Variants in PCSK2 observed in about 807,000 individuals in gnomAD.
PCSK2 encodes neuroendocrine convertase 2.
A neutral mutation model predicts 69.7 loss-of-function variants in PCSK2; 14 were observed. That is an observed-to-expected ratio of 0.20 (90% CI 0.13 to 0.31). The LOEUF is 0.31. PCSK2 is among the 10% of genes least tolerant of loss of function. The probability of loss-of-function intolerance (pLI) is 1.00; values close to 1 mark genes in which losing one functional copy is unlikely to be tolerated. For synonymous variants in PCSK2, 307 were observed against 320.7 expected, an observed-to-expected ratio of 0.96 and a Z score of 0.46; for missense variants, 544 against 842.5, an observed-to-expected ratio of 0.65 and a Z score of 4.39.
intron 2 of PCSK2, among the ~76,000 whole-genome samples, 172 bp from the exon 3 acceptor site, chr20:17,358,155 T>C (rs2030271063): frequency 6.6e-6 from 1 of 150,616 alleles, no homozygotes; most frequent in South Asian, 2.1e-4. Context: ...TACAAAAAAA[T>C]ACAAAATAAT....
intron 6 of PCSK2, among the ~76,000 whole-genome samples, chr20:17,410,234 G>A (rs1198261933): frequency 6.6e-6 from 1 of 152,076 alleles, no homozygotes; most frequent in East Asian, 1.9e-4. Context: ...GGGCTTCCTT[G>A]GTCAAACAGT....
intron 2 of PCSK2, among the ~76,000 whole-genome samples, chr20:17,346,064 G>GC (rs965947267): frequency 6.6e-6 from 1 of 152,112 alleles, no homozygotes; most frequent in East Asian, 1.9e-4. Context: ...CATTAATGAG[G>GC]CCCCCCTCCG....
chr20:17,288,296 G>A (rs76548686), intron 2 of PCSK2, among the ~76,000 whole-genome samples: 2,460 of 152,292 alleles, frequency 0.016, 65 homozygotes, highest in African/African-American at 0.054. Context: ...ATCCAGGACA[G>A]CATTTCAAGA....
At chr20:17,340,416 A>T (rs1990476761) in intron 2 of PCSK2, among the ~76,000 whole-genome samples, 1 of 152,236 alleles carries the variant, frequency 6.6e-6, no homozygotes, top group Admixed American at 6.5e-5. Flanking sequence ...TGTCATTACC[A>T]GTCCATTTCT....
chr20:17,405,139 C>G lies in PCSK2; in HGVS notation c.544-4124C>G, dbSNP rs371232215. 6.6e-5 allele frequency among the ~76,000 whole-genome samples: 10 copies of G among 152,330 alleles called. No individual in the cohort carries two copies. The South Asian group carries it at 1.5e-3, about 22-fold the overall frequency. On this transcript the variant is annotated intron_variant, in intron 5 of 11. Coordinates refer to ENST00000262545, the MANE Select transcript of PCSK2 (RefSeq NM_002594.5). ...TATCCTCACAGCAACCAACTAGTAA[C>G]AGTTTTACCACCTACATTTTGAAGA... is the stretch of plus-strand genomic sequence containing the variant.
chr20:17,479,812 A>G (rs943827522), intron 11 of PCSK2, among the ~76,000 whole-genome samples: 3 of 151,222 alleles, frequency 2.0e-5, no homozygotes, highest in Admixed American at 2.0e-4. Flanking sequence ...AAAAAAAAAA[A>G]AAAAAAAAAG....
intron 6 of PCSK2, among the ~76,000 whole-genome samples, chr20:17,411,212 G>A (rs892463623): frequency 6.6e-6 from 1 of 152,198 alleles, no homozygotes; most frequent in African/African-American, 2.4e-5. Context: ...GAGGTATCTG[G>A]TTCATCTCAT....
chr20:17,247,649 T>G (rs1055619475), intron 1 of PCSK2, among the ~76,000 whole-genome samples: 1 of 152,184 alleles, frequency 6.6e-6, no homozygotes, highest in East Asian at 1.9e-4. Context: ...GAATCTGTAA[T>G]AAGCAGTAGA....
chr20:17,276,493 A>G (rs188704795), intron 2 of PCSK2, among the ~76,000 whole-genome samples: 17 of 149,154 alleles, frequency 1.1e-4, no homozygotes, highest in Non-Finnish European at 1.8e-4. Context: ...CCATGTTTAT[A>G]TTTTTTCTGG....
In PCSK2 at chr20:17,483,935, GTA is replaced by G. The variant is rs1189560484; in HGVS notation, c.*1871_*1872del. 2.0e-5 allele frequency: 3 copies of G among 152,364 alleles called. No individual in the cohort carries two copies. Among genetic ancestry groups the G allele is most frequent in the Admixed American group, 2.0e-4 (3 of 15,258 alleles). 9.4% of individuals were successfully genotyped at this position (152,364 alleles called of 1,614,324 possible). On this transcript the variant is annotated 3_prime_UTR_variant, in exon 12 of 12. Coordinates refer to ENST00000262545, the MANE Select transcript of PCSK2 (RefSeq NM_002594.5). ...ACATATGTAGACTATATACATGTGT[GTA>G]TATATGTGTATATATACATACACTT...
At chr20:17,474,779 G>A (rs763774744) in intron 11 of PCSK2, among the ~76,000 whole-genome samples, 11 of 151,990 alleles carry the variant, frequency 7.2e-5, no homozygotes, top group African/African-American at 1.5e-4. Context: ...AGTGGTCGCC[G>A]GCCTACATCT....
intron 5 of PCSK2, among the ~76,000 whole-genome samples, chr20:17,401,683 G>T (rs951417287): frequency 6.6e-6 from 1 of 152,170 alleles, no homozygotes; most frequent in Non-Finnish European, 1.5e-5. Context: ...GCAGGTAGGG[G>T]TGTGCTGAAA....
At chr20:17,431,724 C>T (rs763177930) in intron 7 of PCSK2, among the ~76,000 whole-genome samples, 23 of 152,296 alleles carry the variant, frequency 1.5e-4, no homozygotes, top group Non-Finnish European at 2.1e-4. Flanking sequence ...CCTGGGGCGT[C>T]AGCATGAATT....
chr20:17,467,274 G>A (rs558390617), intron 11 of PCSK2, among the ~76,000 whole-genome samples: 6 of 152,292 alleles, frequency 3.9e-5, no homozygotes, highest in African/African-American at 9.6e-5. Flanking sequence ...GCATGGTGAC[G>A]TCTATGGGCC....
chr20:17,292,156 T>A (rs1303183661), intron 2 of PCSK2, among the ~76,000 whole-genome samples: 1 of 152,322 alleles, frequency 6.6e-6, no homozygotes. Flanking sequence ...CATATCTTGA[T>A]CTTTTTATTC....
intron 2 of PCSK2, among the ~76,000 whole-genome samples, chr20:17,298,984 A>T (rs1322891665): frequency 1.3e-5 from 2 of 152,194 alleles, no homozygotes; most frequent in Non-Finnish European, 2.9e-5. Context: ...TAGCTCTTGC[A>T]TAATGTATGT....
intron 2 of PCSK2, among the ~76,000 whole-genome samples, chr20:17,272,853 C>G (rs770977430): frequency 6.6e-6 from 1 of 152,070 alleles, no homozygotes; most frequent in Non-Finnish European, 1.5e-5. Context: ...CACTCTGAAT[C>G]TGGTTGATTT....
intron 1 of PCSK2, among the ~76,000 whole-genome samples, chr20:17,246,121 T>G (rs754541431): frequency 6.6e-6 from 1 of 152,176 alleles, no homozygotes; most frequent in East Asian, 1.9e-4. Context: ...GTTGTCCCCA[T>G]AGAGCTTGCA....
At chr20:17,321,572 A>G (rs918098036) in intron 2 of PCSK2, among the ~76,000 whole-genome samples, 1 of 152,224 alleles carries the variant, frequency 6.6e-6, no homozygotes. Context: ...AATGATAAGT[A>G]CTTCTTTCAA....
Sources: gnomAD v4.1 joint callset for allele counts (sites outside exome capture counted in the v4.1 genomes callset) on GRCh38, gnomAD v4.1.1 for gene constraint, MANE v1.5 for transcripts, NCBI Gene and HGNC (gene_info 2026-07-23, HGNC 2026-07-21) for gene names.